The following PTPRS variants were observed in gnomAD, a reference collection of about 807,000 sequenced individuals.
PTPRS encodes receptor-type tyrosine-protein phosphatase S.
A neutral mutation model predicts 215.3 loss-of-function variants in PTPRS; 63 were observed. The ratio of observed to expected loss-of-function variants is 0.29; its 90% CI spans 0.24 to 0.36. The LOEUF is 0.36. Among genes scored for constraint, PTPRS ranks in the 10% least tolerant of loss-of-function variants. The pLI is 1.00. For synonymous variants in PTPRS, 1,404 were observed against 1,191.4 expected (o/e 1.18, Z -3.68); for missense variants, 2,258 against 2,825.8 (o/e 0.80, Z 4.56).
In PTPRS at chr19:5,239,165, G is replaced by C. The variant is rs1599610887; in HGVS notation, c.1705-102C>G. The C allele has an allele frequency of 1.1e-4, 33 of 288,040 alleles. No individual in the cohort carries two copies. In the East Asian group the frequency reaches 2.5e-3, roughly 22 times the overall value. 17.8% of individuals were successfully genotyped at this position (288,040 alleles called of 1,614,324 possible). A position where few individuals can be genotyped will look rare whatever the true frequency, so the allele number is the denominator to read the frequency against. On this transcript the variant is annotated intron_variant, in intron 12 of 37. Transcript: ENST00000262963. ...GAGACAGAAACAGAGGGGGGAGGGG[G>C]AGAGAGAGAGAGAGAGAGAGAGACA... is the stretch of plus-strand genomic sequence containing the variant.
intron 4 of PTPRS, 73 bp downstream of exon 4, chr19:5,273,369 T>G: frequency 1.2e-6 from 2 of 1,605,408 alleles, no homozygotes; most frequent in Non-Finnish European, 1.7e-6. Flanking sequence ...GTAACTTTCA[T>G]GTATTCCTTT....
intron 1 of PTPRS, among the ~76,000 whole-genome samples, chr19:5,306,986 C>T (rs755983399): frequency 6.6e-6 from 1 of 152,132 alleles, no homozygotes; most frequent in Non-Finnish European, 1.5e-5. Flanking sequence ...GAATGTCTAT[C>T]GATAGGAGAT....
At chr19:5,267,616 T>A (rs1418472858) in intron 4 of PTPRS, among the ~76,000 whole-genome samples, 1 of 148,348 alleles carries the variant, frequency 6.7e-6, no homozygotes. Context: ...GAGATCATGC[T>A]ACTGCACTCC....
intron 4 of PTPRS, among the ~76,000 whole-genome samples, chr19:5,272,635 A>G (rs1215660712): frequency 7.2e-6 from 1 of 137,974 alleles, no homozygotes; most frequent in Admixed American, 7.4e-5. Flanking sequence ...AAAAAAAAAA[A>G]AAGAATTGCA....
intron 4 of PTPRS, among the ~76,000 whole-genome samples, chr19:5,268,165 A>G (rs1358218689): frequency 1.3e-5 from 2 of 148,428 alleles, no homozygotes; most frequent in African/African-American, 4.9e-5. Flanking sequence ...GCAAGACTCC[A>G]TCTCAAAATA....
Position 5,237,294 on chromosome 19 carries a change from G to A in PTPRS, c.1849+1625C>T, listed in dbSNP as rs77409886. Among the ~76,000 whole-genome samples the A allele has an allele frequency of 7.2e-5, 11 of 152,036 alleles. No homozygotes were observed. Among genetic ancestry groups the A allele is most frequent in the African/African-American group, 1.5e-4 (6 of 41,308 alleles). ...TCAGCCTAAGGAGCCCGCAGTCCCCGGGGGGATGGATACGCCTGGCCCTGA... is the reference window on the plus strand; with the variant it reads ...TCAGCCTAAGGAGCCCGCAGTCCCCAGGGGGATGGATACGCCTGGCCCTGA... On this transcript the variant is annotated intron_variant, in intron 13 of 37. Coordinates refer to ENST00000262963, the MANE Select transcript of PTPRS (RefSeq NM_002850.4). This position sits in a 1 kb window ranked among gnomAD's most constrained non-coding sequence, Gnocchi z 4.2.
Position 5,237,341 on chromosome 19 carries a change from G to A in PTPRS, c.1849+1578C>T, listed in dbSNP as rs985479169. ...CTGAGTCTTTGCTGTCGGTTCTCCT[G>A]GGCCCCACCCGTCTCGGGGCAAGAA... On this transcript the variant is annotated intron_variant, in intron 13 of 37. Coordinates refer to ENST00000262963, the MANE Select transcript of PTPRS (RefSeq NM_002850.4). This position sits in a 1 kb window ranked among gnomAD's most constrained non-coding sequence, Gnocchi z 4.2. 6.6e-6 allele frequency among the ~76,000 whole-genome samples: 1 copy of A among 152,230 alleles called. No homozygotes were observed. The highest frequency in any genetic ancestry group is 2.4e-5 in the African/African-American group (1 of 41,474).
chr19:5,315,737 C>A (rs1600107386), intron 1 of PTPRS, among the ~76,000 whole-genome samples: 1 of 151,818 alleles, frequency 6.6e-6, no homozygotes, highest in East Asian at 1.9e-4. Flanking sequence ...AGCAATCCTC[C>A]CATTTCAGCC....
At position 5,295,466 on chromosome 19, in the gene PTPRS, G is replaced by A. The variant is rs1600057108; in HGVS notation, c.-94-9232C>T. 6.6e-6 allele frequency among the ~76,000 whole-genome samples: 1 copy of A among 152,242 alleles called. No homozygotes were observed. The highest frequency in any genetic ancestry group is 1.5e-5 in the Non-Finnish European group (1 of 67,996). ...AGGGGCTGGGGGAGGTGGGCCAGGT[G>A]CCCTCCCCCTTGGCTGGGTGGCCCC... On this transcript the variant is annotated intron_variant, in intron 1 of 37. Coordinates refer to ENST00000262963, the MANE Select transcript of PTPRS (RefSeq NM_002850.4). This position sits in a 1 kb window ranked among gnomAD's most constrained non-coding sequence, Gnocchi z 4.6.
chr19:5,273,672 AATGG>A, intron 3 of PTPRS, 89 bp from the exon 4 acceptor site: 1 of 1,480,408 alleles, frequency 6.8e-7, no homozygotes, highest in Non-Finnish European at 9.2e-7. Flanking sequence ...GCTGTAGGGG[AATGG>A]CAGTCAGCCC....
intron 33 of PTPRS, 129 bp downstream of exon 33, chr19:5,211,461 A>AAT (rs1400702488): frequency 3.4e-6 from 3 of 887,458 alleles, no homozygotes; most frequent in East Asian, 2.7e-5. Context: ...ATACATCTAA[A>AAT]GATGTGTATT....
In PTPRS at chr19:5,206,060, TAAAAAAAAAAAAA is replaced by T. The variant is rs545658474; in HGVS notation, c.*701_*713del. Among the ~76,000 whole-genome samples the T allele has an allele frequency of 1.4e-5, 1 of 70,258 alleles. No homozygotes were observed. The highest frequency in any genetic ancestry group is 2.9e-5 in the Non-Finnish European group (1 of 34,806). 46.1% of individuals were successfully genotyped at this position (70,258 alleles called of 152,430 possible). ...CACACTTTCTGATGGTAGGAAAAAT[TAAAAAAAAAAAAA>T]AAAAAAAAAAAGCCAAGGTACAGCC... is the stretch of plus-strand genomic sequence containing the variant. On this transcript the variant is annotated 3_prime_UTR_variant, in exon 38 of 38. Transcript: ENST00000262963.
intron 19 of PTPRS, among the ~76,000 whole-genome samples, chr19:5,221,756 C>A (rs1480929561): frequency 6.6e-6 from 1 of 152,074 alleles, no homozygotes; most frequent in African/African-American, 2.4e-5. Flanking sequence ...AACTCTGAGT[C>A]CCAATCCTGA....
chr19:5,260,765 G>C, intron 7 of PTPRS, 40 bp downstream of exon 7: 1 of 1,612,692 alleles, frequency 6.2e-7, no homozygotes, highest in Non-Finnish European at 8.5e-7. Context: ...TGGGCAGCAA[G>C]AGCGAGCGTG....
rs748465929 is a variant in PTPRS, at chr19:5,211,974, G to C, written c.5046C>G (p.Leu1682=). 6.2e-6 allele frequency: 10 copies of C among 1,602,804 alleles called. No homozygotes were observed. In the African/African-American group the frequency reaches 8.0e-5, roughly 13 times the overall value. The change falls in exon 32 of 38, where the codon CTC becomes CTG. Residue 1682 remains leucine, a synonymous_variant. Coordinates refer to ENST00000262963, the MANE Select transcript of PTPRS (RefSeq NM_002850.4). ...EPGEHVTGME[L]EFKRLANSKA... ...TCCACCCCGCTGGCACCTTGAACTC[G>C]AGTTCCATGCCAGTGACGTGTTCGC...
chr19:5,279,930 A>G (rs1339571870), intron 2 of PTPRS, among the ~76,000 whole-genome samples: 2 of 152,068 alleles, frequency 1.3e-5, no homozygotes, highest in South Asian at 4.1e-4. Context: ...TGATCCACCC[A>G]CCTTGGCCTC....
chr19:5,302,532 A>G (rs12971860), intron 1 of PTPRS, among the ~76,000 whole-genome samples: 26,582 of 152,192 alleles, frequency 0.17, 2,531 homozygotes, highest in Admixed American at 0.28. Flanking sequence ...CAGTTATCCC[A>G]TGGTCGCTGG....
At chr19:5,318,149 C>T (rs1166497327) in intron 1 of PTPRS, among the ~76,000 whole-genome samples, 2 of 148,570 alleles carry the variant, frequency 1.3e-5, no homozygotes, top group African/African-American at 5.0e-5. Context: ...CCAGCCTAGG[C>T]AACAGAGCGA....
At chr19:5,214,884 C>T (rs952232277) in intron 28 of PTPRS, 148 bp from the exon 29 acceptor site, 2 of 895,304 alleles carry the variant, frequency 2.2e-6, no homozygotes, top group African/African-American at 3.4e-5. Flanking sequence ...AGTTTCTCCC[C>T]CTCAGCGCCA....
Sources: gnomAD v4.1 joint callset for allele counts (sites outside exome capture counted in the v4.1 genomes callset) on GRCh38, gnomAD v4.1.1 for gene constraint, Gnocchi (gnomAD v3.1) non-coding constraint, MANE v1.5 for transcripts, NCBI Gene and HGNC (gene_info 2026-07-23, HGNC 2026-07-21) for gene names.